Variants in PKN3 observed in about 807,000 individuals in gnomAD.
PKN3 encodes the protein protein kinase N3.
In PKN3, 91 loss-of-function variants were observed where a neutral mutation model predicts 113.1. The observed-to-expected ratio is 0.80, with a 90% CI of 0.68 to 0.96. PKN3 has a LOEUF of 0.96. PKN3 is among the 40% of genes least tolerant of loss of function. The pLI is 0.00. For missense variants in PKN3, 1,052 were observed against 1,202.2 expected, an observed-to-expected ratio of 0.88 and a Z score of 1.85; for synonymous variants, 467 against 499.0, an observed-to-expected ratio of 0.94 and a Z score of 0.85.
Position 128,720,169 on chromosome 9 carries a change from A to G in PKN3, c.2377-34A>G. The G allele has an allele frequency of 6.2e-7, 1 of 1,601,920 alleles. No homozygotes were observed. The highest frequency in any genetic ancestry group is 1.7e-4 in the Middle Eastern group (1 of 6,044). ...TGGATGATGGCAGTGCCTGGGGCTGAATGCCCTAAGTGAGCGCCTGTCCTA... is the reference window on the plus strand; with the variant it reads ...TGGATGATGGCAGTGCCTGGGGCTGGATGCCCTAAGTGAGCGCCTGTCCTA... On this transcript the variant is annotated intron_variant, in intron 20 of 21. Transcript: ENST00000291906. This position sits in a 1 kb window ranked among gnomAD's most constrained non-coding sequence, Gnocchi z 5.5.
rs184989925 is a variant in PKN3, at chr9:128,703,271, G to A, written c.24+332G>A. 1.3e-4 allele frequency: 89 copies of A among 710,176 alleles called. No homozygotes were observed. In the African/African-American group the frequency reaches 1.5e-3, roughly 12 times the overall value. 44.0% of individuals were successfully genotyped at this position (710,176 alleles called of 1,614,324 possible). ...TCCTTAAGTCGGTTCTCCTCGGTGG[G>A]GCTCCAAGGCCGACGGGAATTAGCC... On this transcript the variant is annotated intron_variant, in intron 1 of 21. Coordinates refer to ENST00000291906, the MANE Select transcript of PKN3 (RefSeq NM_013355.5).
chr9:128,706,885 C>G lies in PKN3; in HGVS notation c.524-11C>G. The G allele has an allele frequency of 6.2e-7, 1 of 1,614,038 alleles. No homozygotes were observed. On this transcript the variant is annotated splice_polypyrimidine_tract_variant and intron_variant, in intron 4 of 21. Coordinates refer to ENST00000291906, the MANE Select transcript of PKN3 (RefSeq NM_013355.5). Reference sequence around the variant, plus strand: ...AAGAGCAGGGCCTGAGAGCCGCCGTCCTTCCCACAGGGCCTGAGCTGCTGG... The same window carrying G: ...AAGAGCAGGGCCTGAGAGCCGCCGTGCTTCCCACAGGGCCTGAGCTGCTGG...
In PKN3 at chr9:128,716,846, C is replaced by T; in HGVS notation, c.1908C>T (p.Cys636=). ...GCTTCCAGACCTCCAGCCATGCCTGCTTTGTGACTGAGTTTGTGCCTGGTG... is the reference window on the plus strand; with the variant it reads ...GCTTCCAGACCTCCAGCCATGCCTGTTTTGTGACTGAGTTTGTGCCTGGTG... ...LACFQTSSHA[C]FVTEFVPGGD... Residue 636 remains cysteine, a synonymous_variant, in exon 16 of 22, where the codon TGC becomes TGT. Transcript: ENST00000291906. 1 of 1,614,084 alleles carries T rather than the reference C, an allele frequency of 6.2e-7. No individual in the cohort carries two copies. Among genetic ancestry groups the T allele is most frequent in the Admixed American group, 1.7e-5 (1 of 60,000 alleles).
In PKN3 at chr9:128,702,765, CG is replaced by C. The variant is rs1861891090; in HGVS notation, c.-148del. On this transcript the variant is annotated 5_prime_UTR_variant, in exon 1 of 22. It removes the in-frame stop codon of an upstream open reading frame in the 5' UTR. Transcript: ENST00000291906. ...CGGACGGGAGGCGGCGCTGGTCCCG[CG>C]GGCCAGCGGGTCTCGGGAGGGGGCG... 1 of 586,830 alleles carries C rather than the reference CG, an allele frequency of 1.7e-6. No homozygotes were observed. Among genetic ancestry groups the C allele is most frequent in the Non-Finnish European group, 2.9e-6 (1 of 344,906 alleles). 36.4% of individuals were successfully genotyped at this position (586,830 alleles called of 1,614,324 possible).
At chr9:128,713,761 C>T (rs1862253504) in intron 9 of PKN3, 119 bp downstream of exon 9, 2 of 1,079,468 alleles carry the variant, frequency 1.9e-6, no homozygotes, top group South Asian at 3.0e-5. Flanking sequence ...AGGAGGGCTC[C>T]AGGAATAAGG....
rs946836700 is a variant in PKN3 at position 128,715,763 on chromosome 9, C to G, written c.1808+303C>G. Among the ~76,000 whole-genome samples the G allele has an allele frequency of 1.3e-5, 2 of 152,178 alleles. No individual in the cohort carries two copies. The highest frequency in any genetic ancestry group is 4.8e-5 in the African/African-American group (2 of 41,438). ...GCGTGGTAACTCATGCATGTAACCC[C>G]AGCACTTTGGGAGGCCAAGGCAGGC... On this transcript the variant is annotated intron_variant, in intron 15 of 21. Transcript: ENST00000291906. This position sits in a 1 kb window ranked among gnomAD's most constrained non-coding sequence, Gnocchi z 4.1.
Position 128,706,890 on chromosome 9 carries a change from C to G in PKN3, c.524-6C>G. On this transcript the variant is annotated splice_polypyrimidine_tract_variant and splice_region_variant and intron_variant, in intron 4 of 21. Transcript: ENST00000291906. Reference sequence around the variant, plus strand: ...CAGGGCCTGAGAGCCGCCGTCCTTCCCACAGGGCCTGAGCTGCTGGCGGAG... The same window carrying G: ...CAGGGCCTGAGAGCCGCCGTCCTTCGCACAGGGCCTGAGCTGCTGGCGGAG... 2 of 1,614,076 alleles carry G rather than the reference C, an allele frequency of 1.2e-6. No homozygotes were observed. The highest frequency in any genetic ancestry group is 1.7e-6 in the Non-Finnish European group (2 of 1,180,010).
At position 128,713,280 on chromosome 9, in the gene PKN3, G is replaced by A. The variant is rs576187132; in HGVS notation, c.985G>A (p.Glu329Lys). 211 of 1,613,986 alleles carry A rather than the reference G, an allele frequency of 1.3e-4. 2 individuals carry two copies. The highest frequency in any genetic ancestry group is 1.1e-3 in the South Asian group (99 of 91,026). Residue 329 changes from glutamate to lysine, a missense_variant and splice_region_variant, in exon 8 of 22, where the codon GAG becomes AAG. By Grantham distance (56) the Glu-to-Lys change is moderately conservative. This residue lies in a region of PKN3 where 719 missense variants were observed against 759.4 expected (regional missense o/e 0.95). Coordinates refer to ENST00000291906, the MANE Select transcript of PKN3 (RefSeq NM_013355.5). ...GAGTCCCGGCTCTGGCCCTGCAGGC[G>A]AGGTGCTGGCTGTGCTAAAGGTGGA... is the stretch of plus-strand genomic sequence containing the variant. ...HQRGRGELAS[E>K]VLAVLKVDNR...
At chr9:128,713,673 G>A (rs1343722204) in intron 9 of PKN3, 31 bp downstream of exon 9, 12 of 1,608,858 alleles carry the variant, frequency 7.5e-6, no homozygotes, top group East Asian at 2.2e-5. Flanking sequence ...CTGACTTGGT[G>A]GGACCCTGGG....
intron 6 of PKN3, among the ~76,000 whole-genome samples, chr9:128,711,211 G>A (rs1862164251): frequency 6.6e-6 from 1 of 151,924 alleles, no homozygotes; most frequent in South Asian, 2.1e-4. Flanking sequence ...TCTCCATGTT[G>A]GTCAGGCTGG....
At chr9:128,710,562 G>A (rs1311721031) in intron 6 of PKN3, among the ~76,000 whole-genome samples, 1 of 151,960 alleles carries the variant, frequency 6.6e-6, no homozygotes, top group East Asian at 1.9e-4. Context: ...TGCGATATCA[G>A]CTCACTGCAA....
chr9:128,718,451 A>G, intron 17 of PKN3, 64 bp downstream of exon 17: 3 of 1,579,764 alleles, frequency 1.9e-6, no homozygotes, highest in Non-Finnish European at 1.7e-6. Flanking sequence ...GGGTAAGGAC[A>G]GATGCTGCCT....
chr9:128,703,464 C>T (rs555650518), intron 1 of PKN3: 1 of 985,384 alleles, frequency 1.0e-6, no homozygotes, highest in East Asian at 1.1e-4. Flanking sequence ...GGGCGGGAAC[C>T]TTTGGGTACA....
At chr9:128,719,510 TA>T (rs1458173534) in intron 18 of PKN3, among the ~76,000 whole-genome samples, 175 bp from the exon 19 acceptor site, 2 of 152,182 alleles carry the variant, frequency 1.3e-5, no homozygotes, top group African/African-American at 4.8e-5. Flanking sequence ...TCTGTGACCT[TA>T]GCCTGTGAGC....
chr9:128,718,174 A>G (rs1008821210), intron 16 of PKN3, 151 bp from the exon 17 acceptor site: 5 of 704,756 alleles, frequency 7.1e-6, no homozygotes, highest in Non-Finnish European at 1.3e-5. Context: ...GAGCACCCCC[A>G]CCCTCAGCAT....
rs757126152 is a variant in PKN3 at position 128,715,198 on chromosome 9, G to A, written c.1679G>A (p.Arg560His). The A allele has an allele frequency of 2.0e-5, 33 of 1,613,902 alleles. No homozygotes were observed. Among genetic ancestry groups the A allele is most frequent in the South Asian group, 1.3e-4 (12 of 91,080 alleles). ...AAACCCCCTCGGCTTCAGGACTTCCGCTGCTTAGCTGTGCTGGGCCGGGGA... is the reference window on the plus strand; with the variant it reads ...AAACCCCCTCGGCTTCAGGACTTCCACTGCTTAGCTGTGCTGGGCCGGGGA... ...TRKPPRLQDF[R>H]CLAVLGRGHF... Residue 560 changes from arginine to histidine, a missense_variant, in exon 14 of 22, where the codon CGC (arginine) becomes CAC (histidine). Arg to His is a conservative substitution (Grantham distance 29). Transcript: ENST00000291906. The surrounding 1 kb of genome is among the most constrained non-coding windows in gnomAD (Gnocchi z 4.1).
In PKN3 at chr9:128,720,410, C is replaced by A. The variant is rs1862500398; in HGVS notation, c.2474C>A (p.Ala825Asp). ...TGCCCTCAGACCACCAACTGGCAAGCCCTGCTCGCCCGCACCATCCAGCCC... is the reference window on the plus strand; with the variant it reads ...TGCCCTCAGACCACCAACTGGCAAGACCTGCTCGCCCGCACCATCCAGCCC... The part of the protein sequence containing the change: ...QPFFRTTNWQ[A>D]LLARTIQPPF... Residue 825 changes from alanine (A) to aspartate (D), a missense_variant, in exon 22 of 22, where the codon GCC becomes GAC. Transcript: ENST00000291906. This position sits in a 1 kb window ranked among gnomAD's most constrained non-coding sequence, Gnocchi z 5.5. 1 of 1,613,028 alleles carries A rather than the reference C, an allele frequency of 6.2e-7. No homozygotes were observed. Among genetic ancestry groups the A allele is most frequent in the African/African-American group, 1.3e-5 (1 of 74,916 alleles).
rs772699483 is a variant in PKN3 at position 128,704,205 on chromosome 9, G to A, written c.25-1098G>A. On this transcript the variant is annotated intron_variant, in intron 1 of 21. Transcript: ENST00000291906. ...CCGGCCTGAGGTCACCTTTGGCACC[G>A]GTTGGTTTGAAATGCTGGCGGCTGG... is the stretch of plus-strand genomic sequence containing the variant. 5.4e-5 allele frequency: 51 copies of A among 952,124 alleles called. No individual in the cohort carries two copies. In the Admixed American group the frequency reaches 7.4e-4, roughly 14 times the overall value. 59.0% of individuals were successfully genotyped at this position (952,124 alleles called of 1,614,324 possible).
intron 1 of PKN3, among the ~76,000 whole-genome samples, 169 bp downstream of exon 1, chr9:128,703,108 T>A (rs973071353): frequency 6.6e-6 from 1 of 152,130 alleles, no homozygotes; most frequent in Non-Finnish European, 1.5e-5. Context: ...GCAGACCTGA[T>A]CTCCGGGTTC....
Sources: allele counts gnomAD v4.1 joint callset (sites outside exome capture counted in the v4.1 genomes callset), GRCh38; gene constraint gnomAD v4.1.1; regional missense constraint gnomAD v4.1.1; non-coding constraint Gnocchi (gnomAD v3.1); transcripts MANE v1.5; gene names NCBI Gene and HGNC (gene_info 2026-07-23, HGNC 2026-07-21).